DHX35: variants seen among roughly 807,000 people sequenced by gnomAD.
DHX35 encodes the protein DEAH-box helicase 35, also known as probable ATP-dependent RNA helicase DHX35.
Under a neutral mutation model 99.6 loss-of-function variants are expected in DHX35, and 84 were observed. The ratio of observed to expected loss-of-function variants is 0.84; its 90% CI spans 0.71 to 1.01. DHX35 has a LOEUF of 1.01. DHX35 is among the 50% of genes least tolerant of loss of function. The pLI is 0.00. For missense variants in DHX35, 852 were observed against 888.5 expected (o/e 0.96, Z 0.52); for synonymous variants, 331 against 316.2 (o/e 1.05, Z -0.50).
chr20:39,007,822 G>C (rs544650804), intron 12 of DHX35, among the ~76,000 whole-genome samples: 1 of 152,238 alleles, frequency 6.6e-6, no homozygotes, highest in African/African-American at 2.4e-5. Context: ...GAGTGGAAAA[G>C]GGAGAGCCAG....
At chr20:39,004,256 G>A (rs770886264) in intron 11 of DHX35, among the ~76,000 whole-genome samples, 14 of 151,952 alleles carry the variant, frequency 9.2e-5, no homozygotes, top group East Asian at 3.9e-4. Context: ...TAGTAGAGAC[G>A]GGGTTTCACT....
chr20:38,968,252 C>T (rs2085939126), intron 1 of DHX35, among the ~76,000 whole-genome samples: 1 of 152,158 alleles, frequency 6.6e-6, no homozygotes, highest in Non-Finnish European at 1.5e-5. Context: ...TTTCCAGCTC[C>T]TGTACAGTAG....
chr20:38,990,143 T>G (rs550069747), intron 5 of DHX35, among the ~76,000 whole-genome samples: 2 of 152,338 alleles, frequency 1.3e-5, no homozygotes, highest in East Asian at 3.9e-4. Context: ...TGAAAACCTT[T>G]GAGCCGTCCA....
chr20:38,969,565 T>G (rs1342135830), intron 2 of DHX35, among the ~76,000 whole-genome samples: 2 of 152,188 alleles, frequency 1.3e-5, no homozygotes, highest in African/African-American at 2.4e-5. Flanking sequence ...ATGGCCAATT[T>G]TTGCTTTATT....
At chr20:38,970,100 T>C (rs757562840) in intron 2 of DHX35, among the ~76,000 whole-genome samples, 3 of 152,136 alleles carry the variant, frequency 2.0e-5, no homozygotes, top group Non-Finnish European at 4.4e-5. Context: ...TCTGTCTGTC[T>C]ATCTATCAGA....
chr20:38,976,054 A>G (rs2086070640), intron 3 of DHX35, among the ~76,000 whole-genome samples: 1 of 152,226 alleles, frequency 6.6e-6, no homozygotes, highest in Admixed American at 6.5e-5. Context: ...TACTAAGTCC[A>G]GGGAAAGCTG....
intron 3 of DHX35, among the ~76,000 whole-genome samples, chr20:38,974,439 A>G (rs1286631409): frequency 6.6e-6 from 1 of 152,266 alleles, no homozygotes; most frequent in Non-Finnish European, 1.5e-5. Context: ...GAAGGGACAA[A>G]GGTGCACAGT....
chr20:39,002,679 C>A, intron 9 of DHX35, 93 bp from the exon 10 acceptor site: 1 of 1,153,696 alleles, frequency 8.7e-7, no homozygotes, highest in Non-Finnish European at 1.3e-6. Flanking sequence ...CCCAAACTCA[C>A]TTTGATGAGC....
chr20:39,003,313 A>G (rs887392386), intron 10 of DHX35, among the ~76,000 whole-genome samples: 29 of 152,194 alleles, frequency 1.9e-4, no homozygotes, highest in African/African-American at 7.0e-4. Context: ...GGCCAGCACT[A>G]TTCAGACCTG....
At chr20:38,996,184 C>G (rs1340258398) in intron 8 of DHX35, among the ~76,000 whole-genome samples, 1 of 152,226 alleles carries the variant, frequency 6.6e-6, no homozygotes, top group Non-Finnish European at 1.5e-5. Flanking sequence ...CCCAGTTGCT[C>G]TTTATTCCCT....
chr20:38,963,411 T>G (rs1019072973), intron 1 of DHX35, among the ~76,000 whole-genome samples: 9 of 152,176 alleles, frequency 5.9e-5, no homozygotes, highest in Non-Finnish European at 1.2e-4. Flanking sequence ...TGCATATAAG[T>G]GATGTGAGAG....
At chr20:39,004,039 GCA>G in intron 11 of DHX35, 132 bp downstream of exon 11, 1 of 1,012,756 alleles carries the variant, frequency 9.9e-7, no homozygotes, top group Non-Finnish European at 1.5e-6. Context: ...AGATCTAAAA[GCA>G]CACAATAAAT....
chr20:38,969,621 G>A (rs1460343428), intron 2 of DHX35, among the ~76,000 whole-genome samples: 1 of 152,210 alleles, frequency 6.6e-6, no homozygotes, highest in African/African-American at 2.4e-5. Flanking sequence ...ATATGAGGTT[G>A]TTTCTGCTGA....
At chr20:38,994,951 C>T in intron 8 of DHX35, 71 bp downstream of exon 8, 1 of 1,358,482 alleles carries the variant, frequency 7.4e-7, no homozygotes, top group Non-Finnish European at 1.0e-6. Context: ...TGGGAAGTTA[C>T]CTCTAGCAAG....
chr20:39,010,645 T>C (rs2086688515), intron 13 of DHX35, among the ~76,000 whole-genome samples: 1 of 152,058 alleles, frequency 6.6e-6, no homozygotes, highest in African/African-American at 2.4e-5. Context: ...GACAAGTAAG[T>C]GGGTAATTAC....
In DHX35 at chr20:39,006,212, T is replaced by G. The variant is rs201859377; in HGVS notation, c.1078T>G (p.Cys360Gly). ...TISGIVYVID[C>G]GFVKLRAYNP... Reference sequence around the variant, plus strand: ...CAGCGGCATTGTGTATGTGATCGACTGTGGCTTTGTGAAACTCCGAGCCTA... The same window carrying G: ...CAGCGGCATTGTGTATGTGATCGACGGTGGCTTTGTGAAACTCCGAGCCTA... Residue 360 changes from cysteine to glycine, a missense_variant, in exon 12 of 22, where the codon TGT (cysteine) becomes GGT (glycine). Cys to Gly is a radical substitution (Grantham distance 159). Coordinates refer to ENST00000252011, the MANE Select transcript of DHX35 (RefSeq NM_021931.4). The G allele has an allele frequency of 6.2e-7, 1 of 1,614,204 alleles. No homozygotes were observed. Among genetic ancestry groups the G allele is most frequent in the East Asian group, 2.2e-5 (1 of 44,884 alleles).
chr20:39,021,757 G>T (rs1471968960), intron 15 of DHX35, 84 bp from the exon 16 acceptor site: 12 of 1,322,874 alleles, frequency 9.1e-6, no homozygotes, highest in Non-Finnish European at 1.3e-5. Flanking sequence ...CTTCAGTGTG[G>T]TGCAAGGAAA....
chr20:39,035,793 C>T (rs989725609), intron 21 of DHX35, among the ~76,000 whole-genome samples: 2 of 152,190 alleles, frequency 1.3e-5, no homozygotes, highest in African/African-American at 2.4e-5. Context: ...CCTCATCTCT[C>T]CTGCTCCAGC....
chr20:39,035,084 A>G (rs1015034930), intron 21 of DHX35, among the ~76,000 whole-genome samples: 6 of 148,256 alleles, frequency 4.0e-5, no homozygotes, highest in African/African-American at 1.5e-4. Flanking sequence ...TTATTTATTT[A>G]TTTTTGGGAC....
Sources: allele counts gnomAD v4.1 joint callset (sites outside exome capture counted in the v4.1 genomes callset), GRCh38; gene constraint gnomAD v4.1.1; transcripts MANE v1.5; gene names NCBI Gene and HGNC (gene_info 2026-07-23, HGNC 2026-07-21).